The following PLAAT5 variants were observed in gnomAD, a reference collection of about 807,000 sequenced individuals.
PLAAT5 encodes the protein phospholipase A and acyltransferase 5.
PLAAT5 carries 27 observed loss-of-function variants against 27.8 expected under a neutral mutation model. The observed-to-expected ratio is 0.97, with a 90% CI of 0.72 to 1.34. The LOEUF is 1.34. PLAAT5 is among the 40% of genes most tolerant of loss of function. PLAAT5 has a pLI of 0.00. For missense variants in PLAAT5, 368 were observed against 343.8 expected (o/e 1.07, Z -0.56); for synonymous variants, 125 against 136.1 (o/e 0.92, Z 0.57).
chr11:63,482,815 T>G (rs992899751), intron 3 of PLAAT5, among the ~76,000 whole-genome samples: 1 of 152,208 alleles, frequency 6.6e-6, no homozygotes. Flanking sequence ...GGATACAGAA[T>G]GGCAGAATGG....
rs571050360 is a variant in PLAAT5 at position 63,483,630 on chromosome 11, G to C, written c.345+5241C>G. On this transcript the variant is annotated intron_variant, in intron 3 of 5. Transcript: ENST00000540857. ...AGTGGTGCTAAGAGGAAAGTTCATA[G>C]CATTAAATGCCTACACCAAAAAAAA... Among the ~76,000 whole-genome samples, 22 of 112,268 alleles carry C rather than the reference G, an allele frequency of 2.0e-4. No homozygotes were observed. The East Asian group carries it at 5.4e-3, about 27-fold the overall frequency. The allele number at this position is 112,268 out of a possible 152,430, so 73.7% of individuals were successfully genotyped here.
intron 3 of PLAAT5, among the ~76,000 whole-genome samples, chr11:63,472,495 A>G (rs1419521883): frequency 1.3e-5 from 2 of 151,870 alleles, no homozygotes; most frequent in Non-Finnish European, 2.9e-5. Context: ...AATGGTTATC[A>G]AAAAAAATAT....
intron 3 of PLAAT5, among the ~76,000 whole-genome samples, chr11:63,473,040 G>A (rs753493958): frequency 6.6e-6 from 1 of 152,058 alleles, no homozygotes; most frequent in Non-Finnish European, 1.5e-5. Context: ...AATCCGGGAG[G>A]CAGAGGTGGA....
chr11:63,464,527 G>A (rs1454431766), intron 5 of PLAAT5, among the ~76,000 whole-genome samples: 2 of 151,940 alleles, frequency 1.3e-5, no homozygotes, highest in East Asian at 3.9e-4. Context: ...ATGGTGGCGT[G>A]CACCTGGAGT....
chr11:63,466,028 A>T (rs2015851639), intron 5 of PLAAT5, 82 bp downstream of exon 5: 1 of 1,395,940 alleles, frequency 7.2e-7, no homozygotes. Context: ...GAAAGCCCTG[A>T]TTACCATTCT....
chr11:63,483,801 GTATATA>G (rs71039646), intron 3 of PLAAT5, among the ~76,000 whole-genome samples: 1,573 of 23,980 alleles, frequency 0.066, 64 homozygotes, highest in Admixed American at 0.18. Flanking sequence ...ATATATATAT[GTATATA>G]TATATATATA....
chr11:63,483,829 A>ATACACATATATATATGTGTG (rs1565215374), intron 3 of PLAAT5, among the ~76,000 whole-genome samples: 8 of 118,342 alleles, frequency 6.8e-5, no homozygotes, highest in African/African-American at 2.4e-4. Context: ...ATATATATAT[A>ATACACATATATATATGTGTG]TATATATATA....
In PLAAT5 at chr11:63,462,856, A is replaced by G. The variant is rs562624890; in HGVS notation, c.*647T>C. Reference sequence around the variant, plus strand: ...TAATTATGAGGTACAAAAGCAAGATAAATTGTCTTATCGATGATACTTTTG... The same window carrying G: ...TAATTATGAGGTACAAAAGCAAGATGAATTGTCTTATCGATGATACTTTTG... On this transcript the variant is annotated 3_prime_UTR_variant, in exon 6 of 6. Coordinates refer to ENST00000540857, the MANE Select transcript of PLAAT5 (RefSeq NM_001146729.2). 19 of 152,290 alleles carry G rather than the reference A, an allele frequency of 1.2e-4. No individual in the cohort carries two copies. The highest frequency in any genetic ancestry group is 4.3e-4 in the African/African-American group (18 of 41,494). The allele number at this position is 152,290 out of a possible 1,614,324, so 9.4% of individuals were successfully genotyped here. A position where few individuals can be genotyped will look rare whatever the true frequency, so the allele number is the denominator to read the frequency against.
intron 3 of PLAAT5, among the ~76,000 whole-genome samples, chr11:63,478,672 A>C (rs1294613634): frequency 6.6e-6 from 1 of 152,226 alleles, no homozygotes; most frequent in African/African-American, 2.4e-5. Flanking sequence ...TCAAATTTCC[A>C]GTCTTTAAAT....
chr11:63,480,970 C>A (rs1289437724), intron 3 of PLAAT5, among the ~76,000 whole-genome samples: 1 of 152,198 alleles, frequency 6.6e-6, no homozygotes, highest in Non-Finnish European at 1.5e-5. Context: ...TTGTTCAGTT[C>A]TATTTCCCAT....
intron 3 of PLAAT5, among the ~76,000 whole-genome samples, chr11:63,482,448 G>C (rs1160841631): frequency 1.3e-5 from 2 of 152,180 alleles, no homozygotes; most frequent in Non-Finnish European, 1.5e-5. Flanking sequence ...GAAGGGACTG[G>C]GGTCCTATCT....
intron 3 of PLAAT5, among the ~76,000 whole-genome samples, chr11:63,481,667 C>A (rs2016287633): frequency 1.3e-5 from 2 of 152,116 alleles, no homozygotes; most frequent in Non-Finnish European, 2.9e-5. Flanking sequence ...AAATGTCCAA[C>A]AATGATAGAC....
chr11:63,483,245 T>C (rs992785082), intron 3 of PLAAT5, among the ~76,000 whole-genome samples: 4 of 150,008 alleles, frequency 2.7e-5, no homozygotes, highest in Non-Finnish European at 5.9e-5. Context: ...AACAATACCC[T>C]AGAACAAATA....
chr11:63,490,134 C>A, intron 2 of PLAAT5, 109 bp downstream of exon 2: 1 of 1,445,758 alleles, frequency 6.9e-7, no homozygotes. Context: ...TACCGGCTGG[C>A]TGGTTCACAC....
In PLAAT5 at chr11:63,466,126, A is replaced by G. The variant is rs2015854449; in HGVS notation, c.701T>C (p.Val234Ala). 1 of 1,613,964 alleles carries G rather than the reference A, an allele frequency of 6.2e-7. No homozygotes were observed. Among genetic ancestry groups the G allele is most frequent in the Non-Finnish European group, 8.5e-7 (1 of 1,180,012 alleles). The change falls in exon 5 of 6, where the codon GTA becomes GCA. Residue 234 changes from valine to alanine, a missense_variant. Transcript: ENST00000540857. ...GGGTCACACCTGCTGGCTCCGGGGT[A>G]CGCCATATCTGAGGCCATTGACAAA... ...EHFVNGLRYGVPRSQQVEHAL... is the reference protein window; with the variant it reads ...EHFVNGLRYGAPRSQQVEHAL...
At chr11:63,481,332 G>A (rs2120304593) in intron 3 of PLAAT5, among the ~76,000 whole-genome samples, 1 of 152,230 alleles carries the variant, frequency 6.6e-6, no homozygotes, top group Admixed American at 6.5e-5. Flanking sequence ...CCCAGCAACT[G>A]GGGAGGCTGA....
intron 5 of PLAAT5, among the ~76,000 whole-genome samples, chr11:63,464,557 G>A (rs2015804962): frequency 6.6e-6 from 1 of 152,106 alleles, no homozygotes; most frequent in African/African-American, 2.4e-5. Flanking sequence ...TCGGGAGGCT[G>A]AAGCAGGAGA....
At chr11:63,481,150 A>C (rs756019399) in intron 3 of PLAAT5, among the ~76,000 whole-genome samples, 3 of 152,150 alleles carry the variant, frequency 2.0e-5, no homozygotes, top group Non-Finnish European at 4.4e-5. Context: ...TTAATAATCA[A>C]CCTTCTGGGC....
At chr11:63,465,371 AGTGTGTGTGT>A (rs58014474) in intron 5 of PLAAT5, among the ~76,000 whole-genome samples, 167 of 145,368 alleles carry the variant, frequency 1.1e-3, no homozygotes, top group Middle Eastern at 3.5e-3. Flanking sequence ...TCAAACAAAA[AGTGTGTGTGT>A]GTGTGTGTGT....
Sources: allele counts gnomAD v4.1 joint callset (sites outside exome capture counted in the v4.1 genomes callset), GRCh38; gene constraint gnomAD v4.1.1; transcripts MANE v1.5; gene names NCBI Gene and HGNC (gene_info 2026-07-23, HGNC 2026-07-21).